The following PCDHB10 variants were observed in gnomAD, a reference collection of about 807,000 sequenced individuals.
PCDHB10 encodes protocadherin beta 10.
For missense variants in PCDHB10, 1,046 were observed against 1,004.7 expected (o/e 1.04, Z -0.56); for synonymous variants, 448 against 449.2 (o/e 1.00, Z 0.04).
rs1174286470 is a variant in PCDHB10, at chr5:141,193,603, T to A, written c.1051T>A (p.Ser351Thr). The A allele has an allele frequency of 6.2e-7, 1 of 1,613,998 alleles. No individual in the cohort carries two copies. The highest frequency in any genetic ancestry group is 8.5e-7 in the Non-Finnish European group (1 of 1,180,032). Residue 351 changes from serine (S) to threonine (T), a missense_variant, in exon 1 of 1, where the codon TCA becomes ACA. Physicochemically the swap from Ser to Thr is moderately conservative, Grantham distance 58. Coordinates refer to ENST00000239446, the MANE Select transcript of PCDHB10 (RefSeq NM_018930.4). ...CAATCCCCCTGAACTGATCGTATCATCATTTTCCAACTCTGTTGCTGAGAA... is the reference window on the plus strand; with the variant it reads ...CAATCCCCCTGAACTGATCGTATCAACATTTTCCAACTCTGTTGCTGAGAA... The part of the protein sequence containing the change: ...NDNPPELIVS[S>T]FSNSVAENSP...
At position 141,195,162 on chromosome 5, in the gene PCDHB10, G is replaced by T. The variant is rs183143452; in HGVS notation, c.*207G>T. 4.9e-3 allele frequency: 2,497 copies of T among 504,852 alleles called. 14 individuals carry two copies. The highest frequency in any genetic ancestry group is 6.1e-3 in the Middle Eastern group (11 of 1,796). 31.3% of individuals were successfully genotyped at this position (504,852 alleles called of 1,614,324 possible). On this transcript the variant is annotated 3_prime_UTR_variant, in exon 1 of 1. Coordinates refer to ENST00000239446, the MANE Select transcript of PCDHB10 (RefSeq NM_018930.4). ...TGAGTATTTTTTTCTAAATGATAGT[G>T]TTAAGGTTTTAATTCTTTCCAACTG...
rs782766903 is a variant in PCDHB10, at chr5:141,192,876, T to G, written c.324T>G (p.Ile108Met). 4 of 1,613,762 alleles carry G rather than the reference T, an allele frequency of 2.5e-6. No homozygotes were observed. In the South Asian group the frequency reaches 4.4e-5, roughly 18 times the overall value. ...AGCCCTGTATGCTGTATTTCCAAAT[T>G]TTAATGGATGATCCCTTTCAGATTT... Reference protein sequence around the residue: ...PKEPCMLYFQILMDDPFQIYR... With the variant: ...PKEPCMLYFQMLMDDPFQIYR... The change falls in exon 1 of 1, where the codon ATT becomes ATG. Residue 108 changes from isoleucine (I) to methionine (M), a missense_variant. Transcript: ENST00000239446.
Position 141,194,869 on chromosome 5 carries a change from A to C in PCDHB10, c.2317A>C (p.Ile773Leu), listed in dbSNP as rs146829020. 1.2e-6 allele frequency: 2 copies of C among 1,613,944 alleles called. No homozygotes were observed. The highest frequency in any genetic ancestry group is 1.7e-5 in the Admixed American group (1 of 60,004). ...TGAGTTCAAGTTCTTGAAACCAGTT[A>C]TTTCGGATATTCAGGCACAGGGCCC... Reference protein sequence around the residue: ...TSEFKFLKPVISDIQAQGPGR... With the variant: ...TSEFKFLKPVLSDIQAQGPGR... The change falls in exon 1 of 1, where the codon ATT becomes CTT. Residue 773 changes from isoleucine to leucine, a missense_variant. Physicochemically the swap from Ile to Leu is conservative, Grantham distance 5. Transcript: ENST00000239446.
chr5:141,194,123 T>C lies in PCDHB10; in HGVS notation c.1571T>C (p.Leu524Pro), dbSNP rs1434081965. 4 of 1,605,870 alleles carry C rather than the reference T, an allele frequency of 2.5e-6. No individual in the cohort carries two copies. The highest frequency in any genetic ancestry group is 3.4e-6 in the Non-Finnish European group (4 of 1,176,998). ...FALRSLDYEA[L>P]QAFEFRVGAT... is the part of the protein sequence containing the mutation. ...CTCAGGTCGCTGGACTACGAGGCCC[T>C]GCAGGCTTTCGAGTTCCGCGTGGGC... Residue 524 changes from leucine (L) to proline (P), a missense_variant, in exon 1 of 1, where the codon CTG (leucine) becomes CCG (proline). Physicochemically the swap from Leu to Pro is moderately conservative, Grantham distance 98 (BLOSUM62 -3). Coordinates refer to ENST00000239446, the MANE Select transcript of PCDHB10 (RefSeq NM_018930.4).
Position 141,194,688 on chromosome 5 carries a change from G to A in PCDHB10, c.2136G>A (p.Ala712=), listed in dbSNP as rs1554284470. ...LFLLSVLLFV[A]VRLCRRSRAA... is the part of the protein sequence containing the mutation. ...TCCTCTCGGTGCTCCTGTTCGTGGC[G>A]GTGCGGCTGTGCAGGAGGAGCAGGG... Residue 712 remains alanine (A), a synonymous_variant, in exon 1 of 1, where the codon GCG becomes GCA. Coordinates refer to ENST00000239446, the MANE Select transcript of PCDHB10 (RefSeq NM_018930.4). The A allele has an allele frequency of 5.6e-6, 9 of 1,608,172 alleles. No homozygotes were observed. Among genetic ancestry groups the A allele is most frequent in the African/African-American group, 1.3e-5 (1 of 74,880 alleles).
chr5:141,192,786 T>A lies in PCDHB10; in HGVS notation c.234T>A (p.Asp78Glu). ...SDDNKQYLLL[D>E]SHTGNLLTNE... ...ATAACAAACAATACCTGCTCCTGGA[T>A]TCACATACCGGGAATTTGCTCACAA... Residue 78 changes from aspartate (D) to glutamate (E), a missense_variant, in exon 1 of 1, where the codon GAT becomes GAA. Physicochemically the swap from Asp to Glu is conservative, Grantham distance 45. Transcript: ENST00000239446. The A allele has an allele frequency of 6.2e-7, 1 of 1,608,062 alleles. No individual in the cohort carries two copies. Among genetic ancestry groups the A allele is most frequent in the Non-Finnish European group, 8.5e-7 (1 of 1,175,772 alleles).
At position 141,192,360 on chromosome 5, in the gene PCDHB10, A is replaced by G. The variant is rs144720218; in HGVS notation, c.-193A>G. Reference sequence around the variant, plus strand: ...GTTTGGGAATTGCTCTGAGGATGCTATGCAAGTCACTAATAAAGGAAGACA... The same window carrying G: ...GTTTGGGAATTGCTCTGAGGATGCTGTGCAAGTCACTAATAAAGGAAGACA... On this transcript the variant is annotated 5_prime_UTR_variant, in exon 1 of 1. An upstream start codon of the reference 5' UTR is lost. Transcript: ENST00000239446. The G allele has an allele frequency of 1.6e-4, 111 of 687,878 alleles. No individual in the cohort carries two copies. Among genetic ancestry groups the G allele is most frequent in the Middle Eastern group, 1.2e-3 (3 of 2,450 alleles). 42.6% of individuals were successfully genotyped at this position (687,878 alleles called of 1,614,324 possible).
In PCDHB10 at chr5:141,194,148, C is replaced by A. The variant is rs142646601; in HGVS notation, c.1596C>A (p.Gly532=). ...EALQAFEFRV[G]ATDRGSPALS... is the part of the protein sequence containing the mutation. ...TGCAGGCTTTCGAGTTCCGCGTGGG[C>A]GCCACAGACCGCGGCTCCCCCGCGC... The change falls in exon 1 of 1, where the codon GGC becomes GGA. Residue 532 remains glycine (G), a synonymous_variant. Coordinates refer to ENST00000239446, the MANE Select transcript of PCDHB10 (RefSeq NM_018930.4). 1.6e-3 allele frequency: 2,534 copies of A among 1,604,286 alleles called. 35 individuals carry two copies. In the African/African-American group the frequency reaches 0.031, roughly 20 times the overall value.
Position 141,192,661 on chromosome 5 carries a change from G to A in PCDHB10, c.109G>A (p.Glu37Lys), listed in dbSNP as rs1178109387. ...TGGGTTTGGACGTTATTCGGTGACT[G>A]AGGAAACAGAGAAAGGATCCTTTGT... ...GSGFGRYSVTEETEKGSFVVN... is the reference protein window; with the variant it reads ...GSGFGRYSVTKETEKGSFVVN... Residue 37 changes from glutamate to lysine, a missense_variant, in exon 1 of 1, where the codon GAG becomes AAG. Coordinates refer to ENST00000239446, the MANE Select transcript of PCDHB10 (RefSeq NM_018930.4). 6.2e-7 allele frequency: 1 copy of A among 1,613,892 alleles called. No homozygotes were observed. Among genetic ancestry groups the A allele is most frequent in the Non-Finnish European group, 8.5e-7 (1 of 1,180,012 alleles).
Position 141,192,398 on chromosome 5 carries a change from C to T in PCDHB10, c.-155C>T. 1 of 929,236 alleles carries T rather than the reference C, an allele frequency of 1.1e-6. No homozygotes were observed. Among genetic ancestry groups the T allele is most frequent in the Non-Finnish European group, 1.6e-6 (1 of 614,768 alleles). The allele number at this position is 929,236 out of a possible 1,614,324, so 57.6% of individuals were successfully genotyped here. On this transcript the variant is annotated 5_prime_UTR_variant, in exon 1 of 1. Coordinates refer to ENST00000239446, the MANE Select transcript of PCDHB10 (RefSeq NM_018930.4). Reference sequence around the variant, plus strand: ...ATAAAGGAAGACACGGACAGATGAACTTAAAAGAGAAGCTTTAGCTGCCAA... The same window carrying T: ...ATAAAGGAAGACACGGACAGATGAATTTAAAAGAGAAGCTTTAGCTGCCAA...
chr5:141,194,602 G>A lies in PCDHB10; in HGVS notation c.2050G>A (p.Glu684Lys). ...PEAAPAQAQA[E>K]ADLLTVYLVV... ...GGCGGCCCCGGCCCAGGCCCAGGCC[G>A]AGGCCGACTTGCTCACCGTCTACCT... The change falls in exon 1 of 1, where the codon GAG becomes AAG. Residue 684 changes from glutamate to lysine, a missense_variant. Physicochemically the swap from Glu to Lys is moderately conservative, Grantham distance 56. Transcript: ENST00000239446. 3 of 754,914 alleles carry A rather than the reference G, an allele frequency of 4.0e-6. 1 individual carries two copies. The South Asian group carries it at 6.9e-5, about 17-fold the overall frequency. The allele number at this position is 754,914 out of a possible 1,614,324, so 46.8% of individuals were successfully genotyped here.
Position 141,192,902 on chromosome 5 carries a change from A to C in PCDHB10, c.350A>C (p.Tyr117Ser), listed in dbSNP as rs143882112. The C allele has an allele frequency of 4.4e-3, 7,120 of 1,614,096 alleles. 40 individuals carry two copies. Among genetic ancestry groups the C allele is most frequent in the South Asian group, 5.5e-3 (503 of 91,074 alleles). ...QILMDDPFQI[Y>S]RAELRVRDIN... is the part of the protein sequence containing the mutation. ...TTAATGGATGATCCCTTTCAGATTT[A>C]CCGGGCTGAGCTGAGAGTCAGGGAT... Residue 117 changes from tyrosine to serine, a missense_variant, in exon 1 of 1, where the codon TAC (tyrosine) becomes TCC (serine). Transcript: ENST00000239446.
Position 141,193,012 on chromosome 5 carries a change from C to G in PCDHB10, c.460C>G (p.Leu154Val). The stretch of plus-strand genomic sequence containing the variant: ...TACAGCTGAAGGGACAGCATTTAGA[C>G]TAGAAAGAGCACAGGATCCAGATGG... ...ENTAEGTAFR[L>V]ERAQDPDGGL... Residue 154 changes from leucine (L) to valine (V), a missense_variant, in exon 1 of 1, where the codon CTA (leucine) becomes GTA (valine). Leu to Val is a conservative substitution (Grantham distance 32). Transcript: ENST00000239446. The G allele has an allele frequency of 6.2e-7, 1 of 1,614,148 alleles. No homozygotes were observed. Among genetic ancestry groups the G allele is most frequent in the Non-Finnish European group, 8.5e-7 (1 of 1,180,032 alleles).
rs782250642 is a variant in PCDHB10, at chr5:141,194,412, C to G, written c.1860C>G (p.His620Gln). The change falls in exon 1 of 1, where the codon CAC (histidine) becomes CAG (glutamine). Residue 620 changes from histidine to glutamine, a missense_variant. Physicochemically the swap from His to Gln is conservative, Grantham distance 24. Coordinates refer to ENST00000239446, the MANE Select transcript of PCDHB10 (RefSeq NM_018930.4). ...CCGGGCTGTTCGGTGTGTGGGCGCA[C>G]AATGGGGAGGTGCGCACCGCCAGGC... ...TEPGLFGVWA[H>Q]NGEVRTARLL... 6.2e-7 allele frequency: 1 copy of G among 1,603,378 alleles called. No homozygotes were observed. Among genetic ancestry groups the G allele is most frequent in the Non-Finnish European group, 8.5e-7 (1 of 1,179,444 alleles).
In PCDHB10 at chr5:141,193,869, C is replaced by T. The variant is rs622424; in HGVS notation, c.1317C>T (p.Val439=). 3 of 1,612,114 alleles carry T rather than the reference C, an allele frequency of 1.9e-6. No homozygotes were observed. Among genetic ancestry groups the T allele is most frequent in the Admixed American group, 1.7e-5 (1 of 59,866 alleles). ...PRLKTEHNIT[V]LVSDVNDNAP... is the part of the protein sequence containing the mutation. Reference sequence around the variant, plus strand: ...TGAAAACCGAGCACAACATAACGGTCCTGGTCTCCGACGTCAATGACAACG... The same window carrying T: ...TGAAAACCGAGCACAACATAACGGTTCTGGTCTCCGACGTCAATGACAACG... Residue 439 remains valine (V), a synonymous_variant, in exon 1 of 1, where the codon GTC becomes GTT. Coordinates refer to ENST00000239446, the MANE Select transcript of PCDHB10 (RefSeq NM_018930.4).
rs2149669281 is a variant in PCDHB10, at chr5:141,193,618, G to A, written c.1066G>A (p.Val356Ile). The A allele has an allele frequency of 3.7e-6, 6 of 1,614,148 alleles. No homozygotes were observed. Among genetic ancestry groups the A allele is most frequent in the Non-Finnish European group, 5.1e-6 (6 of 1,180,030 alleles). Residue 356 changes from valine (V) to isoleucine (I), a missense_variant, in exon 1 of 1, where the codon GTT (valine) becomes ATT (isoleucine). Coordinates refer to ENST00000239446, the MANE Select transcript of PCDHB10 (RefSeq NM_018930.4). Reference protein sequence around the residue: ...ELIVSSFSNSVAENSPETPLA... With the variant: ...ELIVSSFSNSIAENSPETPLA... ...GATCGTATCATCATTTTCCAACTCT[G>A]TTGCTGAGAATTCTCCTGAGACGCC...
chr5:141,192,745 A>G lies in PCDHB10; in HGVS notation c.193A>G (p.Arg65Gly). 6.2e-7 allele frequency: 1 copy of G among 1,610,030 alleles called. No homozygotes were observed. Among genetic ancestry groups the G allele is most frequent in the African/African-American group, 1.3e-5 (1 of 74,660 alleles). Residue 65 changes from arginine to glycine, a missense_variant, in exon 1 of 1, where the codon AGG becomes GGG. Arg to Gly is a moderately radical substitution (Grantham distance 125). Coordinates refer to ENST00000239446, the MANE Select transcript of PCDHB10 (RefSeq NM_018930.4). The stretch of plus-strand genomic sequence containing the variant: ...GGGGGAGCTGGCTGCAAGGGGAACC[A>G]GGGTGGTTTCCGATGATAACAAACA... The part of the protein sequence containing the change: ...AEGELAARGT[R>G]VVSDDNKQYL...
At position 141,194,932 on chromosome 5, in the gene PCDHB10, A is replaced by G; in HGVS notation, c.2380A>G (p.Ser794Gly). ...KGEENSTFRN[S>G]FGFNIQ ...TGAAGAAAATTCCACCTTCCGAAAT[A>G]GCTTTGGATTTAATATTCAGTAAAG... is the stretch of plus-strand genomic sequence containing the variant. Residue 794 changes from serine (S) to glycine (G), a missense_variant, in exon 1 of 1, where the codon AGC becomes GGC. Ser to Gly is a moderately conservative substitution (Grantham distance 56). Transcript: ENST00000239446. The G allele has an allele frequency of 6.2e-7, 1 of 1,609,838 alleles. No homozygotes were observed. Among genetic ancestry groups the G allele is most frequent in the East Asian group, 2.2e-5 (1 of 44,828 alleles).
chr5:141,195,261 A>G lies in PCDHB10; in HGVS notation c.*306A>G. On this transcript the variant is annotated 3_prime_UTR_variant, in exon 1 of 1. Coordinates refer to ENST00000239446, the MANE Select transcript of PCDHB10 (RefSeq NM_018930.4). ...TGATTCATTTCAGAGCTTGCATCTC[A>G]TGATTCTAATCACTTCTGTCTATAG... The G allele has an allele frequency of 4.1e-6, 1 of 242,048 alleles. No homozygotes were observed. The highest frequency in any genetic ancestry group is 8.6e-6 in the Non-Finnish European group (1 of 116,612). 15.0% of individuals were successfully genotyped at this position (242,048 alleles called of 1,614,324 possible).
Sources: gnomAD v4.1 joint callset for allele counts on GRCh38, gnomAD v4.1.1 for gene constraint, MANE v1.5 for transcripts, NCBI Gene and HGNC (gene_info 2026-07-23, HGNC 2026-07-21) for gene names.